Variants in VKORC1L1 observed in about 807,000 individuals in gnomAD.
VKORC1L1 encodes the protein vitamin K epoxide reductase complex subunit 1L1, also known as vitamin K epoxide reductase complex subunit 1-like protein 1.
In VKORC1L1, 2 loss-of-function variants were observed where a neutral mutation model predicts 18.9. The ratio of observed to expected loss-of-function variants is 0.11; its 90% CI spans 0.04 to 0.33. The LOEUF is 0.33. VKORC1L1 is among the 10% of genes least tolerant of loss of function. VKORC1L1 has a pLI of 1.00. For missense variants in VKORC1L1, 123 were observed against 224.1 expected (o/e 0.55, Z 2.88); for synonymous variants, 96 against 100.0 (o/e 0.96, Z 0.24).
chr7:65,866,007 C>T, the VKORC1L1 span, among the ~76,000 whole-genome samples: 1 of 151,892 alleles, frequency 6.6e-6, no homozygotes. Context: ...GTAATCCCAG[C>T]TACTCGAGGG....
chr7:65,918,492 A>C (rs903954447), intron 1 of VKORC1L1, among the ~76,000 whole-genome samples: 8 of 152,238 alleles, frequency 5.3e-5, no homozygotes, highest in African/African-American at 1.7e-4. Flanking sequence ...CCAAAGACAT[A>C]GCTTTCTGGT....
the VKORC1L1 span, among the ~76,000 whole-genome samples, chr7:65,868,017 T>C: frequency 6.6e-6 from 1 of 152,198 alleles, no homozygotes; most frequent in South Asian, 2.1e-4. Context: ...CAGCTAATTT[T>C]TGCACTTTTA....
At chr7:65,886,078 C>G (rs990425005) in intron 1 of VKORC1L1, among the ~76,000 whole-genome samples, 14 of 152,280 alleles carry the variant, frequency 9.2e-5, no homozygotes, top group African/African-American at 3.4e-4. Context: ...TTGTTCTAAA[C>G]ACATGTATTA....
chr7:65,949,420 A>G (rs1001293199), intron 2 of VKORC1L1, among the ~76,000 whole-genome samples: 1 of 152,074 alleles, frequency 6.6e-6, no homozygotes, highest in Non-Finnish European at 1.5e-5. Flanking sequence ...CGGAGGTTGT[A>G]GTGAGCTGAG....
chr7:65,938,713 G>T (rs558504856), intron 1 of VKORC1L1, among the ~76,000 whole-genome samples: 1 of 152,330 alleles, frequency 6.6e-6, no homozygotes, highest in Non-Finnish European at 1.5e-5. Context: ...TGCCAAGGAA[G>T]CATCATTCAA....
At position 65,957,968 on chromosome 7, in the gene VKORC1L1, T is replaced by G. The variant is rs1345382616; in HGVS notation, c.*3668T>G. 6.6e-6 allele frequency: 1 copy of G among 152,224 alleles called. No homozygotes were observed. The highest frequency in any genetic ancestry group is 1.9e-4 in the East Asian group (1 of 5,198). The allele number at this position is 152,224 out of a possible 1,614,324, so 9.4% of individuals were successfully genotyped here. A position where few individuals can be genotyped will look rare whatever the true frequency, so the allele number is the denominator to read the frequency against. ...GATTGGTACCAAGAGTGACAGGAGA[T>G]CTTGTCTTGGAAGATCATTATTAGA... is the stretch of plus-strand genomic sequence containing the variant. On this transcript the variant is annotated 3_prime_UTR_variant, in exon 3 of 3. Coordinates refer to ENST00000360768, the MANE Select transcript of VKORC1L1 (RefSeq NM_173517.6).
chr7:65,936,900 A>C (rs552671485), intron 1 of VKORC1L1, among the ~76,000 whole-genome samples: 1 of 152,326 alleles, frequency 6.6e-6, no homozygotes, highest in South Asian at 2.1e-4. Flanking sequence ...AAACAACAGG[A>C]TTCCTTTTAC....
In VKORC1L1 at chr7:65,873,269, C is replaced by A. The variant is rs1163774499; in HGVS notation, c.-103C>A. On this transcript the variant is annotated 5_prime_UTR_variant, in exon 1 of 3. Transcript: ENST00000360768. ...GCGGCGGCGGCGGTGGTGGCGGCGG[C>A]GGCGGAGGCGGCGGTGGCGGCGGTG... 5.1e-6 allele frequency: 5 copies of A among 985,782 alleles called. No homozygotes were observed. In the East Asian group the frequency reaches 3.2e-4, roughly 64 times the overall value. 61.1% of individuals were successfully genotyped at this position (985,782 alleles called of 1,614,324 possible).
intron 1 of VKORC1L1, among the ~76,000 whole-genome samples, chr7:65,889,586 A>G (rs1789076584): frequency 6.6e-6 from 1 of 152,212 alleles, no homozygotes; most frequent in Non-Finnish European, 1.5e-5. Context: ...TGTAATCACC[A>G]AAGTATAACC....
In VKORC1L1 at chr7:65,954,459, C is replaced by T; in HGVS notation, c.*159C>T. The T allele has an allele frequency of 2.4e-6, 3 of 1,240,252 alleles. No homozygotes were observed. The highest frequency in any genetic ancestry group is 3.2e-6 in the Non-Finnish European group (3 of 941,910). The allele number at this position is 1,240,252 out of a possible 1,614,324, so 76.8% of individuals were successfully genotyped here. On this transcript the variant is annotated 3_prime_UTR_variant, in exon 3 of 3. Transcript: ENST00000360768. ...AAAATCCGGTAAATTAGAAGGGGCC[C>T]TCGCTATTTTCTGTGTCAGTCTTCA...
intron 1 of VKORC1L1, among the ~76,000 whole-genome samples, chr7:65,921,348 T>C (rs1013284184): frequency 1.5e-4 from 23 of 152,190 alleles, no homozygotes; most frequent in Non-Finnish European, 4.4e-5. Context: ...ATCAAACATC[T>C]TATTCCATTT....
At chr7:65,886,825 C>T (rs1789020431) in intron 1 of VKORC1L1, among the ~76,000 whole-genome samples, 1 of 144,368 alleles carries the variant, frequency 6.9e-6, no homozygotes, top group African/African-American at 2.6e-5. Context: ...GCGTGAGCCA[C>T]TGCGCCTGTC....
rs1241780374 is a variant in VKORC1L1 at position 65,956,182 on chromosome 7, T to C, written c.*1882T>C. 1.3e-5 allele frequency: 2 copies of C among 152,204 alleles called. No homozygotes were observed. Among genetic ancestry groups the C allele is most frequent in the African/African-American group, 2.4e-5 (1 of 41,458 alleles). 9.4% of individuals were successfully genotyped at this position (152,204 alleles called of 1,614,324 possible). A position where few individuals can be genotyped will look rare whatever the true frequency, so the allele number is the denominator to read the frequency against. On this transcript the variant is annotated 3_prime_UTR_variant, in exon 3 of 3. Coordinates refer to ENST00000360768, the MANE Select transcript of VKORC1L1 (RefSeq NM_173517.6). ...GTACTGATTGGCCATCTGGTGTCTATGGAGAAAGAAGTCCTCACGTTTGAG... is the reference window on the plus strand; with the variant it reads ...GTACTGATTGGCCATCTGGTGTCTACGGAGAAAGAAGTCCTCACGTTTGAG...
intron 1 of VKORC1L1, among the ~76,000 whole-genome samples, chr7:65,917,795 A>T (rs1179238085): frequency 6.6e-6 from 1 of 152,242 alleles, no homozygotes; most frequent in Non-Finnish European, 1.5e-5. Context: ...GAGCCAAAAT[A>T]CACATACAAT....
intron 1 of VKORC1L1, among the ~76,000 whole-genome samples, chr7:65,921,211 T>C (rs546875831): frequency 6.6e-6 from 1 of 152,308 alleles, no homozygotes; most frequent in East Asian, 1.9e-4. Context: ...AGTAGGCATT[T>C]TATAGACCTT....
At chr7:65,922,320 G>A (rs1789691029) in intron 1 of VKORC1L1, among the ~76,000 whole-genome samples, 1 of 150,792 alleles carries the variant, frequency 6.6e-6, no homozygotes, top group Non-Finnish European at 1.5e-5. Flanking sequence ...CTGTCACCCA[G>A]GCTAGAGTGC....
At chr7:65,905,013 G>T (rs1251490336) in intron 1 of VKORC1L1, among the ~76,000 whole-genome samples, 1 of 151,910 alleles carries the variant, frequency 6.6e-6, no homozygotes, top group Non-Finnish European at 1.5e-5. Flanking sequence ...ATGCCTGTAT[G>T]TATATGTATA....
chr7:65,927,779 A>G (rs2115649999), intron 1 of VKORC1L1, among the ~76,000 whole-genome samples: 1 of 152,258 alleles, frequency 6.6e-6, no homozygotes, highest in East Asian at 1.9e-4. Flanking sequence ...CAGTCTCAGC[A>G]CTCTCCAAAC....
intron 1 of VKORC1L1, among the ~76,000 whole-genome samples, chr7:65,881,095 G>A (rs1788921139): frequency 6.6e-6 from 1 of 152,082 alleles, no homozygotes; most frequent in Admixed American, 6.6e-5. Context: ...CAAATCCAAA[G>A]CATTTCAGCT....
Sources: allele counts gnomAD v4.1 joint callset (sites outside exome capture counted in the v4.1 genomes callset), GRCh38; gene constraint gnomAD v4.1.1; transcripts MANE v1.5; gene names NCBI Gene and HGNC (gene_info 2026-07-23, HGNC 2026-07-21).